KIF26B: variants seen among roughly 807,000 people sequenced by gnomAD.
The protein encoded by KIF26B is kinesin family member 26B, also known as kinesin-like protein KIF26B.
A neutral mutation model predicts 151.2 loss-of-function variants in KIF26B; 63 were observed. The observed-to-expected ratio is 0.42, with a 90% CI of 0.34 to 0.51. KIF26B has a LOEUF of 0.51. KIF26B is among the 20% of genes least tolerant of loss of function. KIF26B has a pLI of 0.07. For synonymous variants in KIF26B, 1,357 were observed against 1,262.1 expected (o/e 1.08, Z -1.59); for missense variants, 2,813 against 2,913.6 (o/e 0.97, Z 0.79).
intron 2 of KIF26B, among the ~76,000 whole-genome samples, chr1:245,173,304 C>T (rs1668744677): frequency 6.6e-6 from 1 of 152,138 alleles, no homozygotes; most frequent in Admixed American, 6.6e-5. Flanking sequence ...TGGGGGCGTA[C>T]ATAATGTCAC....
chr1:245,324,354 C>T (rs1671945058), intron 2 of KIF26B, among the ~76,000 whole-genome samples: 2 of 152,194 alleles, frequency 1.3e-5, no homozygotes, highest in Admixed American at 1.3e-4. Flanking sequence ...ATCTTCAAGA[C>T]ATAGATTCCC....
At chr1:245,520,114 TGA>T (rs10650644) in intron 4 of KIF26B, among the ~76,000 whole-genome samples, 266 of 132,326 alleles carry the variant, frequency 2.0e-3, no homozygotes, top group South Asian at 5.8e-3. Flanking sequence ...CTCAACTAAC[TGA>T]GAGAGAGAGA....
Position 245,367,060 on chromosome 1 carries a change from T to A in KIF26B, c.692T>A (p.Val231Glu). The A allele has an allele frequency of 6.2e-7, 1 of 1,606,636 alleles. No homozygotes were observed. Among genetic ancestry groups the A allele is most frequent in the Non-Finnish European group, 8.5e-7 (1 of 1,176,652 alleles). Residue 231 changes from valine to glutamate, a missense_variant, in exon 3 of 15, where the codon GTG (valine) becomes GAG (glutamate). By Grantham distance (121) the Val-to-Glu change is moderately radical. This residue lies in a region of KIF26B where 676 missense variants were observed against 688.1 expected (regional missense o/e 0.98). Coordinates refer to ENST00000407071, the MANE Select transcript of KIF26B (RefSeq NM_018012.4). This position sits in a 1 kb window ranked among gnomAD's most constrained non-coding sequence, Gnocchi z 4.2. ...CCGCTCTCCAACATCCCCACCCTGG[T>A]GGGGTCCCGGCACGTGGGTGGGCTC... ...PPPLSNIPTL[V>E]GSRHVGGLQQ... is the part of the protein sequence containing the mutation.
chr1:245,454,964 C>G (rs1242064642), intron 4 of KIF26B, among the ~76,000 whole-genome samples: 3 of 152,126 alleles, frequency 2.0e-5, no homozygotes, highest in Non-Finnish European at 4.4e-5. Context: ...TGTTTGAGCT[C>G]AAGGAGAAAC....
rs1286720903 is a variant in KIF26B, at chr1:245,703,754, G to A, written c.*1148G>A. ...TCAGGCTTGTTCAGAGACTTCAACT[G>A]TATTGGATTAGAAGAAGGATTCTTG... is the stretch of plus-strand genomic sequence containing the variant. On this transcript the variant is annotated 3_prime_UTR_variant, in exon 15 of 15. Transcript: ENST00000407071. The A allele has an allele frequency of 3.3e-5, 5 of 152,222 alleles. No homozygotes were observed. In the East Asian group the frequency reaches 9.6e-4, roughly 29 times the overall value. The allele number at this position is 152,222 out of a possible 1,614,324, so 9.4% of individuals were successfully genotyped here.
chr1:245,303,010 A>AAAAAAG (rs1553342657), intron 2 of KIF26B, among the ~76,000 whole-genome samples: 89 of 149,148 alleles, frequency 6.0e-4, no homozygotes, highest in African/African-American at 2.2e-3. Context: ...AAAAAAAAAA[A>AAAAAAG]AAAGAAAGAA....
intron 10 of KIF26B, among the ~76,000 whole-genome samples, chr1:245,671,854 G>A (rs1393322002): frequency 5.9e-5 from 9 of 152,186 alleles, no homozygotes; most frequent in East Asian, 1.9e-4. Flanking sequence ...GATGAGCACC[G>A]ATGCAGGAGA....
intron 5 of KIF26B, among the ~76,000 whole-genome samples, chr1:245,587,352 C>T (rs896510318): frequency 6.6e-6 from 1 of 152,148 alleles, no homozygotes; most frequent in Non-Finnish European, 1.5e-5. Context: ...CCCTTGAAGA[C>T]AGCAACTCGT....
At chr1:245,674,431 A>G (rs1333416195) in intron 10 of KIF26B, among the ~76,000 whole-genome samples, 1 of 152,228 alleles carries the variant, frequency 6.6e-6, no homozygotes, top group East Asian at 1.9e-4. Flanking sequence ...GCACACATCT[A>G]TTAAAGAACA....
intron 4 of KIF26B, among the ~76,000 whole-genome samples, chr1:245,454,983 G>A (rs1659481169): frequency 6.6e-6 from 1 of 152,148 alleles, no homozygotes; most frequent in South Asian, 2.1e-4. Context: ...ACACATGGTA[G>A]GTGGTGTGTG....
chr1:245,482,005 G>A (rs1015686469), intron 4 of KIF26B, among the ~76,000 whole-genome samples: 4 of 151,766 alleles, frequency 2.6e-5, no homozygotes, highest in African/African-American at 7.2e-5. Flanking sequence ...GATAACAAAC[G>A]AGAGAGCATA....
chr1:245,198,441 G>A (rs1349482447), intron 2 of KIF26B, among the ~76,000 whole-genome samples: 2 of 151,988 alleles, frequency 1.3e-5, no homozygotes, highest in Non-Finnish European at 2.9e-5. Flanking sequence ...TAAGTGCTTG[G>A]CTGGGTGCGG....
intron 3 of KIF26B, among the ~76,000 whole-genome samples, chr1:245,381,066 T>G (rs972158858): frequency 1.3e-5 from 2 of 151,980 alleles, no homozygotes; most frequent in African/African-American, 4.8e-5. Context: ...CGTAAAGTAT[T>G]TCGATGTCCT....
At chr1:245,404,109 C>G (rs1055089755) in intron 3 of KIF26B, among the ~76,000 whole-genome samples, 5 of 152,026 alleles carry the variant, frequency 3.3e-5, no homozygotes, top group South Asian at 2.1e-4. Flanking sequence ...GTTGAGGGGA[C>G]AGTGAAGGAA....
At chr1:245,285,576 A>T (rs991277633) in intron 2 of KIF26B, among the ~76,000 whole-genome samples, 17 of 150,234 alleles carry the variant, frequency 1.1e-4, no homozygotes, top group Admixed American at 3.3e-4. Context: ...TTACTCAAGT[A>T]TGTTCATCTC....
At chr1:245,230,499 T>A (rs1408077872) in intron 2 of KIF26B, among the ~76,000 whole-genome samples, 1 of 152,114 alleles carries the variant, frequency 6.6e-6, no homozygotes, top group Non-Finnish European at 1.5e-5. Context: ...TCCCAGCACT[T>A]TGGGAGGCCG....
Position 245,705,232 on chromosome 1 carries a change from G to GAGA in KIF26B, c.*2628_*2630dup, listed in dbSNP as rs1250994771. The GAGA allele has an allele frequency of 1.3e-5, 2 of 152,208 alleles. No individual in the cohort carries two copies. The highest frequency in any genetic ancestry group is 4.8e-5 in the African/African-American group (2 of 41,446). 9.4% of individuals were successfully genotyped at this position (152,208 alleles called of 1,614,324 possible). ...CAGGATCTCGCAGGCCACGGTGAAG[G>GAGA]AGAATGCTTTATGTTGATGTTGTCC... is the stretch of plus-strand genomic sequence containing the variant. On this transcript the variant is annotated 3_prime_UTR_variant, in exon 15 of 15. Transcript: ENST00000407071.
chr1:245,409,107 A>G (rs554122382), intron 3 of KIF26B, among the ~76,000 whole-genome samples: 1 of 152,252 alleles, frequency 6.6e-6, no homozygotes, highest in East Asian at 1.9e-4. Context: ...CCCCCAAAAC[A>G]TCACTGAGGA....
chr1:245,530,426 C>T lies in KIF26B; in HGVS notation c.1167-10341C>T, dbSNP rs116219030. On this transcript the variant is annotated intron_variant, in intron 4 of 14. Coordinates refer to ENST00000407071, the MANE Select transcript of KIF26B (RefSeq NM_018012.4). Reference sequence around the variant, plus strand: ...ATTCACAATAGTCAAGAGTTGGAAGCAATCTAAGCATCCATCAATAGACAA... The same window carrying T: ...ATTCACAATAGTCAAGAGTTGGAAGTAATCTAAGCATCCATCAATAGACAA... Among the ~76,000 whole-genome samples the T allele has an allele frequency of 2.2e-3, 342 of 152,242 alleles. 1 individual carries two copies. The highest frequency in any genetic ancestry group is 7.8e-3 in the African/African-American group (324 of 41,540).
Sources: allele counts gnomAD v4.1 joint callset (sites outside exome capture counted in the v4.1 genomes callset), GRCh38; gene constraint gnomAD v4.1.1; regional missense constraint gnomAD v4.1.1; non-coding constraint Gnocchi (gnomAD v3.1); transcripts MANE v1.5; gene names NCBI Gene and HGNC (gene_info 2026-07-23, HGNC 2026-07-21).